The following MAML2 variants were observed in gnomAD, a reference collection of about 807,000 sequenced individuals.
The protein encoded by MAML2 is mastermind-like protein 2.
A neutral mutation model predicts 96.1 loss-of-function variants in MAML2; 22 were observed. The ratio of observed to expected loss-of-function variants is 0.23; its 90% CI spans 0.16 to 0.33. The LOEUF (loss-of-function observed/expected upper bound fraction) is 0.33. MAML2 is among the 10% of genes least tolerant of loss of function. MAML2 has a pLI of 1.00. For synonymous variants in MAML2, 561 were observed against 521.3 expected (o/e 1.08, Z -1.04); for missense variants, 1,367 against 1,392.4 (o/e 0.98, Z 0.29).
chr11:96,171,496 T>C (rs1380415009), intron 1 of MAML2, among the ~76,000 whole-genome samples: 1 of 152,228 alleles, frequency 6.6e-6, no homozygotes, highest in African/African-American at 2.4e-5. Flanking sequence ...AGTAAAATGC[T>C]TGCATGTGAT....
At chr11:96,111,923 C>G (rs1356037209) in intron 1 of MAML2, among the ~76,000 whole-genome samples, 1 of 143,254 alleles carries the variant, frequency 7.0e-6, no homozygotes, top group East Asian at 2.1e-4. Flanking sequence ...TCTTATGTGT[C>G]CATTCACAAG....
At chr11:96,065,357 A>T (rs1859228312) in intron 2 of MAML2, among the ~76,000 whole-genome samples, 1 of 152,056 alleles carries the variant, frequency 6.6e-6, no homozygotes, top group Non-Finnish European at 1.5e-5. Context: ...CTCCTGTGTC[A>T]GTCCTGGTAT....
chr11:96,073,182 C>T (rs1027703727), intron 2 of MAML2, among the ~76,000 whole-genome samples: 2 of 152,148 alleles, frequency 1.3e-5, no homozygotes, highest in African/African-American at 4.8e-5. Context: ...AAATCTTTTA[C>T]TTGTGAGTTT....
intron 2 of MAML2, among the ~76,000 whole-genome samples, chr11:96,054,784 T>C (rs1200245341): frequency 6.6e-6 from 1 of 152,206 alleles, no homozygotes; most frequent in African/African-American, 2.4e-5. Flanking sequence ...TGATTCTGTT[T>C]GTTCTTATGA....
intron 2 of MAML2, among the ~76,000 whole-genome samples, chr11:96,063,884 C>G (rs766525291): frequency 6.6e-6 from 1 of 152,174 alleles, no homozygotes; most frequent in South Asian, 2.1e-4. Flanking sequence ...CCTGTTGATA[C>G]GATGTCTGCA....
At position 96,025,720 on chromosome 11, in the gene MAML2, A is replaced by AT. The variant is rs369902252; in HGVS notation, c.2140-33998dup. Among the ~76,000 whole-genome samples, 20 of 149,740 alleles carry AT rather than the reference A, an allele frequency of 1.3e-4. 1 individual carries two copies. In the South Asian group the frequency reaches 2.5e-3, roughly 19 times the overall value. Reference sequence around the variant, plus strand: ...AGGCATTTGCCACCATACCCAACTAATTTTTTTTTTCTTTGTATTTTTAGT... The same window carrying AT: ...AGGCATTTGCCACCATACCCAACTAATTTTTTTTTTTCTTTGTATTTTTAGT... On this transcript the variant is annotated intron_variant, in intron 2 of 4. Coordinates refer to ENST00000524717, the MANE Select transcript of MAML2 (RefSeq NM_032427.4).
chr11:96,127,214 G>A (rs529705863), intron 1 of MAML2, among the ~76,000 whole-genome samples: 2 of 152,146 alleles, frequency 1.3e-5, no homozygotes, highest in East Asian at 1.9e-4. Flanking sequence ...CATGCTAACA[G>A]GTTGGCCAAT....
At chr11:96,179,541 T>G (rs1236890679) in intron 1 of MAML2, among the ~76,000 whole-genome samples, 2 of 152,224 alleles carry the variant, frequency 1.3e-5, no homozygotes, top group Admixed American at 1.3e-4. Flanking sequence ...AAGTCCAGGC[T>G]GCTTCCCTAA....
At chr11:96,186,833 G>T (rs1167623166) in intron 1 of MAML2, among the ~76,000 whole-genome samples, 2 of 152,190 alleles carry the variant, frequency 1.3e-5, no homozygotes, top group African/African-American at 4.8e-5. Context: ...TTAGAGCCGG[G>T]CCCCTTAACA....
intron 1 of MAML2, among the ~76,000 whole-genome samples, chr11:96,313,731 G>C (rs1214472461): frequency 6.6e-6 from 1 of 152,070 alleles, no homozygotes; most frequent in Non-Finnish European, 1.5e-5. Flanking sequence ...ATATTTTTAA[G>C]GTGTTTTTAG....
At chr11:96,162,501 G>A (rs964144623) in intron 1 of MAML2, among the ~76,000 whole-genome samples, 26 of 151,752 alleles carry the variant, frequency 1.7e-4, no homozygotes, top group African/African-American at 6.1e-4. Flanking sequence ...ATCACCTGAG[G>A]TTGGGAGTTG....
At chr11:96,148,017 A>C (rs944116423) in intron 1 of MAML2, among the ~76,000 whole-genome samples, 1 of 152,174 alleles carries the variant, frequency 6.6e-6, no homozygotes, top group African/African-American at 2.4e-5. Flanking sequence ...TTCCAGATAG[A>C]AATATATCTC....
chr11:96,106,424 A>T (rs1860021899), intron 1 of MAML2, among the ~76,000 whole-genome samples: 1 of 152,242 alleles, frequency 6.6e-6, no homozygotes, highest in Admixed American at 6.5e-5. Flanking sequence ...AATATGTTAC[A>T]GTTCCTTTCT....
rs147737634 is a variant in MAML2 at position 96,000,574 on chromosome 11, T to G, written c.2140-8851A>C. 3.6e-3 allele frequency among the ~76,000 whole-genome samples: 550 copies of G among 152,310 alleles called. 2 individuals carry two copies. The highest frequency in any genetic ancestry group is 6.8e-3 in the Middle Eastern group (2 of 294). On this transcript the variant is annotated intron_variant, in intron 2 of 4. Transcript: ENST00000524717. ...CATTAAATTTTAAAAATGCCTTAGA[T>G]GAAGTACCCAGCAATCCTTTGAGAT... is the stretch of plus-strand genomic sequence containing the variant.
In MAML2 at chr11:96,342,374, T is replaced by C. The variant is rs1437270560; in HGVS notation, c.-479A>G. The stretch of plus-strand genomic sequence containing the variant: ...CCTAGTTGTTTCCGACAATTCTTTA[T>C]GGGGATGTTTCTGCAGAGAAACACA... On this transcript the variant is annotated 5_prime_UTR_variant, in exon 1 of 5. Transcript: ENST00000524717. 1.0e-5 allele frequency: 4 copies of C among 399,728 alleles called. No individual in the cohort carries two copies. Among genetic ancestry groups the C allele is most frequent in the African/African-American group, 2.1e-5 (1 of 48,634 alleles). 24.8% of individuals were successfully genotyped at this position (399,728 alleles called of 1,614,324 possible).
chr11:96,274,286 G>A (rs1179886545), intron 1 of MAML2, among the ~76,000 whole-genome samples: 1 of 151,858 alleles, frequency 6.6e-6, no homozygotes, highest in Non-Finnish European at 1.5e-5. Flanking sequence ...GGTTTCACGT[G>A]TTAGCCAGGA....
At chr11:96,167,491 C>T (rs943278358) in intron 1 of MAML2, among the ~76,000 whole-genome samples, 3 of 152,192 alleles carry the variant, frequency 2.0e-5, no homozygotes, top group Admixed American at 6.5e-5. Context: ...TAAATTCTTT[C>T]GCACAGAGCA....
At chr11:96,061,783 CCTT>C (rs1272463473) in intron 2 of MAML2, among the ~76,000 whole-genome samples, 2 of 151,914 alleles carry the variant, frequency 1.3e-5, no homozygotes, top group South Asian at 2.1e-4. Context: ...TTTCTTCTTC[CCTT>C]CTTCTTTTCC....
chr11:96,218,402 A>G (rs993695496), intron 1 of MAML2, among the ~76,000 whole-genome samples: 1 of 152,214 alleles, frequency 6.6e-6, no homozygotes, highest in African/African-American at 2.4e-5. Context: ...GTCTTTTTTT[A>G]TCCTCAGCGT....
Sources: allele counts gnomAD v4.1 joint callset (sites outside exome capture counted in the v4.1 genomes callset), GRCh38; gene constraint gnomAD v4.1.1; transcripts MANE v1.5; gene names NCBI Gene and HGNC (gene_info 2026-07-23, HGNC 2026-07-21).